Variants in COPB2 observed in about 807,000 individuals in gnomAD.
COPB2 encodes the protein coat protein complex I subunit beta 2.
A neutral mutation model predicts 120.8 loss-of-function variants in COPB2; 16 were observed. That is an observed-to-expected ratio of 0.13 (90% confidence interval 0.09 to 0.20). The LOEUF is 0.20. Ranked by LOEUF, COPB2 falls within the 10% of genes least tolerant of loss-of-function variation. The pLI is 1.00. For synonymous variants in COPB2, 332 were observed against 366.3 expected, an observed-to-expected ratio of 0.91 and a Z score of 1.07; for missense variants, 794 against 1,076.5, an observed-to-expected ratio of 0.74 and a Z score of 3.67.
At chr3:139,386,518 T>A (rs1479952212) in intron 1 of COPB2, among the ~76,000 whole-genome samples, 1 of 152,088 alleles carries the variant, frequency 6.6e-6, no homozygotes, top group African/African-American at 2.4e-5. Context: ...GTCTCCCAGC[T>A]CCAATTTTCC....
chr3:139,379,292 C>A (rs1941767065), intron 3 of COPB2, 88 bp downstream of exon 3: 1 of 1,562,382 alleles, frequency 6.4e-7, no homozygotes, highest in Non-Finnish European at 8.8e-7. Context: ...AATAACAAAA[C>A]AAATCGGGAA....
At chr3:139,388,863 TTATTA>T (rs1248726153) in intron 1 of COPB2, among the ~76,000 whole-genome samples, 2 of 152,090 alleles carry the variant, frequency 1.3e-5, no homozygotes, top group East Asian at 3.9e-4. Flanking sequence ...TCTTTCCTTA[TTATTA>T]TAACACTCTT....
chr3:139,362,605 G>GC, intron 15 of COPB2, 88 bp from the exon 16 acceptor site: 1 of 601,328 alleles, frequency 1.7e-6, no homozygotes, highest in Admixed American at 4.0e-5. Context: ...CACATATACA[G>GC]TGTACACACA....
chr3:139,389,583 T>C lies in COPB2; in HGVS notation c.-33A>G. The C allele has an allele frequency of 6.4e-7, 1 of 1,569,380 alleles. No homozygotes were observed. The highest frequency in any genetic ancestry group is 8.7e-7 in the Non-Finnish European group (1 of 1,148,980). ...TCGGTCCAATCCCGGGAACCCTCGT[T>C]TGTTACCGGCTACTCAGGCCTTGAG... On this transcript the variant is annotated 5_prime_UTR_variant, in exon 1 of 22. Transcript: ENST00000333188.
intron 5 of COPB2, among the ~76,000 whole-genome samples, chr3:139,376,898 T>C (rs899391393): frequency 6.6e-6 from 1 of 152,134 alleles, no homozygotes; most frequent in African/African-American, 2.4e-5. Context: ...TACAGGCGCC[T>C]GCCACCACAC....
intron 1 of COPB2, among the ~76,000 whole-genome samples, chr3:139,388,931 C>T (rs1941991907): frequency 6.6e-6 from 1 of 151,800 alleles, no homozygotes; most frequent in Non-Finnish European, 1.5e-5. Flanking sequence ...TAACAAAGTG[C>T]TCTAACAATT....
At chr3:139,373,852 G>A (rs183951743) in intron 7 of COPB2, 44 bp from the exon 8 acceptor site, 31 of 1,607,716 alleles carry the variant, frequency 1.9e-5, no homozygotes, top group East Asian at 6.7e-5. Flanking sequence ...ACAAACATCC[G>A]ACAATAAACT....
At chr3:139,373,645 T>A in intron 8 of COPB2, 21 bp downstream of exon 8, 3 of 1,613,752 alleles carry the variant, frequency 1.9e-6, no homozygotes, top group African/African-American at 1.3e-5. Flanking sequence ...GTCCACCTAC[T>A]GAGAGGGATA....
At chr3:139,362,323 T>G (rs1481092108) in intron 16 of COPB2, 84 bp downstream of exon 16, 1 of 896,838 alleles carries the variant, frequency 1.1e-6, no homozygotes, top group African/African-American at 1.7e-5. Context: ...TGGGAAAACT[T>G]TAATAACAAA....
At chr3:139,379,671 A>G in intron 2 of COPB2, 1 of 516,952 alleles carries the variant, frequency 1.9e-6, no homozygotes, top group Non-Finnish European at 3.4e-6. Flanking sequence ...TTTTTAAAAG[A>G]TAAGAGAAGG....
At chr3:139,373,094 G>A in intron 9 of COPB2, 119 bp downstream of exon 9, 2 of 995,446 alleles carry the variant, frequency 2.0e-6, no homozygotes, top group Non-Finnish European at 3.1e-6. Context: ...GTGAGGCCAG[G>A]GCAAAAGCAC....
intron 1 of COPB2, 130 bp from the exon 2 acceptor site, chr3:139,383,565 T>C: frequency 1.2e-6 from 1 of 816,752 alleles, no homozygotes. Flanking sequence ...TTGAAACAGT[T>C]TCAAGTCTAA....
chr3:139,384,927 T>A (rs1941886580), intron 1 of COPB2: 1 of 152,336 alleles, frequency 6.6e-6, no homozygotes, highest in South Asian at 2.1e-4. Context: ...CTGAAAGAGT[T>A]TTAGGGACTC....
chr3:139,371,855 G>C, intron 9 of COPB2, 22 bp from the exon 10 acceptor site: 3 of 1,600,152 alleles, frequency 1.9e-6, no homozygotes, highest in Non-Finnish European at 2.6e-6. Context: ...AGAAGCCAGG[G>C]AGGGAAGTAC....
At chr3:139,367,257 C>A in intron 13 of COPB2, 112 bp from the exon 14 acceptor site, 1 of 1,285,292 alleles carries the variant, frequency 7.8e-7, no homozygotes, top group Non-Finnish European at 1.0e-6. Context: ...AAAGTAAAAT[C>A]CTTCCTATTT....
At chr3:139,373,532 C>A in intron 8 of COPB2, 120 bp from the exon 9 acceptor site, 2 of 1,500,804 alleles carry the variant, frequency 1.3e-6, no homozygotes, top group South Asian at 1.2e-5. Context: ...TTTAAATCTT[C>A]ATTGCTTAAT....
chr3:139,377,861 A>T (rs576647709), intron 5 of COPB2, among the ~76,000 whole-genome samples, 180 bp downstream of exon 5: 39 of 152,352 alleles, frequency 2.6e-4, no homozygotes, highest in African/African-American at 8.9e-4. Context: ...AGTTGCCACA[A>T]TATTTTTCTA....
At chr3:139,376,399 T>C (rs1941713528) in intron 5 of COPB2, among the ~76,000 whole-genome samples, 1 of 152,222 alleles carries the variant, frequency 6.6e-6, no homozygotes, top group Non-Finnish European at 1.5e-5. Context: ...ATTGAGTGCC[T>C]ATTATATGGG....
intron 2 of COPB2, chr3:139,382,294 G>A (rs116416768): frequency 0.077 from 11,657 of 152,040 alleles, 508 homozygotes; most frequent in Middle Eastern, 0.14. Context: ...TTCCCACTTT[G>A]CTCTCTCTCT....
Sources: gnomAD v4.1 joint callset for allele counts (sites outside exome capture counted in the v4.1 genomes callset) on GRCh38, gnomAD v4.1.1 for gene constraint, MANE v1.5 for transcripts, NCBI Gene and HGNC (gene_info 2026-07-23, HGNC 2026-07-21) for gene names.